The following INPP4A variants were observed in gnomAD, a reference collection of about 807,000 sequenced individuals.
The protein encoded by INPP4A is inositol polyphosphate-4-phosphatase, type I, 107kD.
Under a neutral mutation model 119.8 loss-of-function variants are expected in INPP4A, and 33 were observed. That is an observed-to-expected ratio of 0.28 (90% CI 0.21 to 0.37). The LOEUF (loss-of-function observed/expected upper bound fraction) is 0.37, where lower values mean the gene tolerates loss of function less well. Ranked by LOEUF, INPP4A falls within the 10% of genes least tolerant of loss-of-function variation. The probability of loss-of-function intolerance (pLI) is 1.00; values close to 1 mark genes in which losing one functional copy is unlikely to be tolerated. For missense variants in INPP4A, 956 were observed against 1,289.9 expected (o/e 0.74, Z 3.97); for synonymous variants, 496 against 500.7 (o/e 0.99, Z 0.12).
intron 23 of INPP4A, among the ~76,000 whole-genome samples, chr2:98,575,371 A>ATAGT (rs1698239919): frequency 6.6e-6 from 1 of 152,220 alleles, no homozygotes; most frequent in African/African-American, 2.4e-5. Context: ...TTTGAAACCT[A>ATAGT]TAGTTCCAGC....
At chr2:98,552,612 A>G (rs764911649) in intron 13 of INPP4A, 174 bp from the exon 14 acceptor site, 2 of 739,214 alleles carry the variant, frequency 2.7e-6, no homozygotes, top group South Asian at 1.4e-5. Flanking sequence ...CCATATAGAC[A>G]GGAAGAATCT....
intron 1 of INPP4A, among the ~76,000 whole-genome samples, chr2:98,501,453 G>A (rs1427458103): frequency 6.6e-6 from 1 of 152,190 alleles, no homozygotes; most frequent in African/African-American, 2.4e-5. Flanking sequence ...TGCTAGCTTC[G>A]GGAGGTGACA....
At chr2:98,530,199 G>GAAA (rs796205802) in intron 4 of INPP4A, among the ~76,000 whole-genome samples, 1 of 130,838 alleles carries the variant, frequency 7.6e-6, no homozygotes, top group Non-Finnish European at 1.7e-5. Flanking sequence ...TAGAAAAAGT[G>GAAA]AAAAAAAAAA....
intron 1 of INPP4A, among the ~76,000 whole-genome samples, chr2:98,463,700 G>A (rs1004229194): frequency 5.9e-5 from 9 of 152,198 alleles, no homozygotes; most frequent in African/African-American, 2.2e-4. Context: ...AGCCACCTGC[G>A]GAGGGCTCAC....
intron 24 of INPP4A, among the ~76,000 whole-genome samples, chr2:98,578,652 T>G (rs1698816586): frequency 6.6e-6 from 1 of 152,244 alleles, no homozygotes; most frequent in Non-Finnish European, 1.5e-5. Flanking sequence ...CCTAGCACAC[T>G]TGGGTTGTGT....
chr2:98,502,616 G>A (rs978404274), intron 1 of INPP4A, among the ~76,000 whole-genome samples: 2 of 151,948 alleles, frequency 1.3e-5, no homozygotes, highest in African/African-American at 4.8e-5. Flanking sequence ...AAGAGATAAT[G>A]GTGAAAGTAC....
chr2:98,520,821 CAG>C, intron 4 of INPP4A, 90 bp downstream of exon 4: 1 of 709,650 alleles, frequency 1.4e-6, no homozygotes, highest in Non-Finnish European at 2.4e-6. Context: ...GGGCTTGTCT[CAG>C]AGAGCTTGCT....
At chr2:98,473,262 AGT>A (rs1292336004) in intron 1 of INPP4A, among the ~76,000 whole-genome samples, 1 of 146,124 alleles carries the variant, frequency 6.8e-6, no homozygotes, top group Non-Finnish European at 1.5e-5. Context: ...TGCAGTGTAG[AGT>A]GTGGCGGGTA....
At chr2:98,562,261 G>A (rs182823904) in intron 17 of INPP4A, among the ~76,000 whole-genome samples, 49 of 152,336 alleles carry the variant, frequency 3.2e-4, no homozygotes, top group African/African-American at 1.1e-3. Context: ...CAACTTTTGA[G>A]CTGCTACATA....
chr2:98,534,681 C>T (rs1574960314), intron 5 of INPP4A, among the ~76,000 whole-genome samples: 1 of 152,136 alleles, frequency 6.6e-6, no homozygotes, highest in Non-Finnish European at 1.5e-5. Flanking sequence ...GAAAGAAAGC[C>T]TTGAAGGCCG....
At position 98,572,923 on chromosome 2, in the gene INPP4A, C is replaced by T; in HGVS notation, c.2627C>T (p.Ala876Val). 6.4e-7 allele frequency: 1 copy of T among 1,567,164 alleles called. No homozygotes were observed. ...AACGTCGACATTCTCTGGCAAGCTG[C>T]TGAGGTACTGGTTACAGAGAGGAAA... ...NKNVDILWQA[A>V]EICRRLNGVR... Residue 876 changes from alanine (A) to valine (V), a missense_variant, in exon 23 of 25, where the codon GCT (alanine) becomes GTT (valine). By Grantham distance (64) the Ala-to-Val change is moderately conservative. Transcript: ENST00000409851.
rs1485398359 is a variant in INPP4A, at chr2:98,565,724, C to G, written c.2237C>G (p.Ser746Cys). The G allele has an allele frequency of 4.3e-6, 7 of 1,613,442 alleles. No homozygotes were observed. Among genetic ancestry groups the G allele is most frequent in the Non-Finnish European group, 8.5e-7 (1 of 1,179,692 alleles). Residue 746 changes from serine to cysteine, a missense_variant, in exon 20 of 25, where the codon TCC becomes TGC. By Grantham distance (112) the Ser-to-Cys change is moderately radical (BLOSUM62 -1). Transcript: ENST00000409851. ...ACCTTCAAAGTCACTCAGGCCACTT[C>G]CAGCGCCTCCGCAGACATGCTGCCC... is the stretch of plus-strand genomic sequence containing the variant. ...NVTFKVTQAT[S>C]SASADMLPVI...
At chr2:98,489,246 G>A (rs566203406) in intron 1 of INPP4A, among the ~76,000 whole-genome samples, 99 of 152,126 alleles carry the variant, frequency 6.5e-4, no homozygotes, top group Non-Finnish European at 1.3e-3. Context: ...ATGTGGTCTC[G>A]GGTCTCAGTG....
At chr2:98,475,793 A>G (rs1207449734) in intron 1 of INPP4A, among the ~76,000 whole-genome samples, 1 of 150,530 alleles carries the variant, frequency 6.6e-6, no homozygotes, top group South Asian at 2.1e-4. Flanking sequence ...TACTACCCAT[A>G]GTGGGCAGGG....
At chr2:98,463,120 A>G (rs1342767045) in intron 1 of INPP4A, among the ~76,000 whole-genome samples, 4 of 152,108 alleles carry the variant, frequency 2.6e-5, no homozygotes, top group South Asian at 2.1e-4. Flanking sequence ...GGGATTACAG[A>G]CGTGAGCCAC....
intron 7 of INPP4A, among the ~76,000 whole-genome samples, chr2:98,537,214 T>TA (rs1405788316): frequency 2.2e-4 from 33 of 152,346 alleles, no homozygotes; most frequent in African/African-American, 7.7e-4. Context: ...AGAACCTGAT[T>TA]AAGTGAGACC....
At chr2:98,468,537 C>T (rs2104784987) in intron 1 of INPP4A, among the ~76,000 whole-genome samples, 1 of 152,178 alleles carries the variant, frequency 6.6e-6, no homozygotes, top group South Asian at 2.1e-4. Flanking sequence ...CCATGTATGG[C>T]TGAAAACAGA....
rs1694074165 is a variant in INPP4A at position 98,554,278 on chromosome 2, A to G, written c.1355A>G (p.Gln452Arg). ...TLAILADKTR[Q>R]LVTVCDCKLL... ...GTTTGTGTGCACCTGCAGACACGGC[A>G]GCTGGTCACGGTCTGCGACTGCAAG... The change falls in exon 15 of 25, where the codon CAG becomes CGG. Residue 452 changes from glutamine (Q) to arginine (R), a missense_variant. Coordinates refer to ENST00000409851, the MANE Select transcript of INPP4A (RefSeq NM_001134225.2). This position sits in a 1 kb window ranked among gnomAD's most constrained non-coding sequence, Gnocchi z 4.7. 1 of 1,603,362 alleles carries G rather than the reference A, an allele frequency of 6.2e-7. No homozygotes were observed.
chr2:98,587,386 T>C (rs1218816634), intron 24 of INPP4A, 90 bp from the exon 25 acceptor site: 1 of 1,258,302 alleles, frequency 7.9e-7, no homozygotes. Flanking sequence ...TTTAATGTTA[T>C]GAAAATGATC....
Sources: allele counts gnomAD v4.1 joint callset (sites outside exome capture counted in the v4.1 genomes callset), GRCh38; gene constraint gnomAD v4.1.1; non-coding constraint Gnocchi (gnomAD v3.1); transcripts MANE v1.5; gene names NCBI Gene and HGNC (gene_info 2026-07-23, HGNC 2026-07-21).